Variants in CHRM3 observed in about 807,000 individuals in gnomAD.
CHRM3 encodes the protein cholinergic receptor muscarinic 3.
A neutral mutation model predicts 41.8 loss-of-function variants in CHRM3; 11 were observed. The ratio of observed to expected loss-of-function variants is 0.26; its 90% CI spans 0.17 to 0.44. CHRM3 has a LOEUF of 0.44. CHRM3 is among the 20% of genes least tolerant of loss of function. The pLI is 1.00. For missense variants in CHRM3, 571 were observed against 745.4 expected, an observed-to-expected ratio of 0.77 and a Z score of 2.72; for synonymous variants, 297 against 301.4, an observed-to-expected ratio of 0.99 and a Z score of 0.15.
chr1:239,568,779 C>G (rs570829507), intron 3 of CHRM3, among the ~76,000 whole-genome samples: 2 of 152,284 alleles, frequency 1.3e-5, no homozygotes, highest in East Asian at 3.9e-4. Flanking sequence ...AGATCCTGTA[C>G]TGCCTCTGGA....
At chr1:239,501,875 T>C (rs1668263267) in intron 2 of CHRM3, among the ~76,000 whole-genome samples, 2 of 151,994 alleles carry the variant, frequency 1.3e-5, no homozygotes, top group African/African-American at 2.4e-5. Flanking sequence ...TTCTTTGAAC[T>C]GAACGACAGT....
chr1:239,557,731 A>G (rs555421347), intron 3 of CHRM3, among the ~76,000 whole-genome samples: 1 of 152,230 alleles, frequency 6.6e-6, no homozygotes, highest in Admixed American at 6.5e-5. Context: ...GTGAGAACAC[A>G]TGGTGTTTGG....
intron 3 of CHRM3, among the ~76,000 whole-genome samples, chr1:239,587,021 T>C (rs1417176234): frequency 1.3e-5 from 2 of 152,210 alleles, no homozygotes; most frequent in Non-Finnish European, 2.9e-5. Flanking sequence ...CTCAAGCCTA[T>C]TCCTTCCCAT....
chr1:239,586,902 C>A (rs1663468615), intron 3 of CHRM3, among the ~76,000 whole-genome samples: 1 of 152,138 alleles, frequency 6.6e-6, no homozygotes, highest in Admixed American at 6.5e-5. Context: ...AAAGTTGAAG[C>A]TTTAACTGTA....
chr1:239,817,691 T>A (rs563346451), intron 5 of CHRM3, among the ~76,000 whole-genome samples: 1 of 151,548 alleles, frequency 6.6e-6, no homozygotes, highest in African/African-American at 2.4e-5. Flanking sequence ...CTCACAGTGC[T>A]CCCTCTACAC....
chr1:239,802,323 A>G (rs531505035), intron 5 of CHRM3, among the ~76,000 whole-genome samples: 7 of 152,304 alleles, frequency 4.6e-5, no homozygotes, highest in Middle Eastern at 3.4e-3. Context: ...CAGGATTATC[A>G]CTTTGTATGT....
chr1:239,761,850 C>G (rs1666812041), intron 5 of CHRM3, among the ~76,000 whole-genome samples: 1 of 152,206 alleles, frequency 6.6e-6, no homozygotes, highest in Non-Finnish European at 1.5e-5. Context: ...TTGCCACTTT[C>G]TTGTCTTTGG....
At chr1:239,584,561 A>G (rs1354785957) in intron 3 of CHRM3, among the ~76,000 whole-genome samples, 1 of 152,210 alleles carries the variant, frequency 6.6e-6, no homozygotes, top group Non-Finnish European at 1.5e-5. Context: ...GAACATATGT[A>G]AGAAAAGAAG....
chr1:239,443,197 C>T (rs532887194), intron 1 of CHRM3, among the ~76,000 whole-genome samples: 16 of 152,242 alleles, frequency 1.1e-4, no homozygotes, highest in African/African-American at 3.9e-4. Context: ...TGTCTTTGCT[C>T]ATGTGTGATT....
chr1:239,661,004 T>A (rs1489600606), intron 4 of CHRM3, among the ~76,000 whole-genome samples: 1 of 152,214 alleles, frequency 6.6e-6, no homozygotes, highest in Non-Finnish European at 1.5e-5. Flanking sequence ...GATATTACTG[T>A]TATATCACTT....
At chr1:239,898,839 T>C (rs1256472138) in intron 6 of CHRM3, among the ~76,000 whole-genome samples, 1 of 152,178 alleles carries the variant, frequency 6.6e-6, no homozygotes, top group Non-Finnish European at 1.5e-5. Context: ...TATTTACACA[T>C]TTTTAAATTT....
At position 239,908,183 on chromosome 1, in the gene CHRM3, C is replaced by T; in HGVS notation, c.732C>T (p.Val244=). The change falls in exon 7 of 7, where the codon GTC becomes GTT. Residue 244 remains valine (V), a synonymous_variant. Coordinates refer to ENST00000676153, the MANE Select transcript of CHRM3 (RefSeq NM_001375978.1). The surrounding 1 kb of genome is among the most constrained non-coding windows in gnomAD (Gnocchi z 7.2). ...CCATCGCTGCTTTTTATATGCCTGT[C>T]ACCATTATGACTATTTTATACTGGA... ...GTAIAAFYMP[V]TIMTILYWRI... is the part of the protein sequence containing the mutation. 2 of 1,614,146 alleles carry T rather than the reference C, an allele frequency of 1.2e-6. No individual in the cohort carries two copies. Among genetic ancestry groups the T allele is most frequent in the African/African-American group, 2.7e-5 (2 of 75,034 alleles).
chr1:239,721,858 C>T (rs1663004689), intron 5 of CHRM3, among the ~76,000 whole-genome samples: 1 of 151,632 alleles, frequency 6.6e-6, no homozygotes, highest in African/African-American at 2.4e-5. Context: ...AATGGTGTGG[C>T]ATGAAAAAAT....
intron 2 of CHRM3, among the ~76,000 whole-genome samples, chr1:239,513,530 C>T (rs900771302): frequency 7.9e-5 from 12 of 151,988 alleles, no homozygotes; most frequent in African/African-American, 2.9e-4. Flanking sequence ...ATGAATATAC[C>T]TTTATCCGAT....
chr1:239,571,385 C>T (rs957559150), intron 3 of CHRM3, among the ~76,000 whole-genome samples: 4 of 152,182 alleles, frequency 2.6e-5, no homozygotes, highest in African/African-American at 7.2e-5. Context: ...TGAAAAGACA[C>T]GCTGACTGTC....
chr1:239,684,177 A>G (rs1257371932), intron 5 of CHRM3, among the ~76,000 whole-genome samples: 1 of 152,146 alleles, frequency 6.6e-6, no homozygotes, highest in Non-Finnish European at 1.5e-5. Context: ...CAGAACAATT[A>G]AGTAAGTTGT....
At chr1:239,562,288 A>G (rs6670728) in intron 3 of CHRM3, among the ~76,000 whole-genome samples, 132,749 of 152,072 alleles carry the variant, frequency 0.87, 58,738 homozygotes, top group Non-Finnish European at 0.93. Flanking sequence ...CGCACATTTC[A>G]AGTCACGTGA....
chr1:239,512,722 G>C (rs1669003361), intron 2 of CHRM3, among the ~76,000 whole-genome samples: 1 of 150,394 alleles, frequency 6.6e-6, no homozygotes, highest in South Asian at 2.1e-4. Flanking sequence ...TTGTTTTCTT[G>C]AAGGTATAAC....
chr1:239,774,372 G>T (rs1439771798), intron 5 of CHRM3, among the ~76,000 whole-genome samples: 2 of 152,070 alleles, frequency 1.3e-5, no homozygotes, highest in East Asian at 3.9e-4. Flanking sequence ...GAGAGGGATG[G>T]GGTGGGTACT....
Sources: allele counts gnomAD v4.1 joint callset (sites outside exome capture counted in the v4.1 genomes callset), GRCh38; gene constraint gnomAD v4.1.1; non-coding constraint Gnocchi (gnomAD v3.1); transcripts MANE v1.5; gene names NCBI Gene and HGNC (gene_info 2026-07-23, HGNC 2026-07-21).